The following PPRC1 variants were observed in gnomAD, a reference collection of about 807,000 sequenced individuals.
The protein encoded by PPRC1 is PPARG related coactivator 1, also known as peroxisome proliferator-activated receptor gamma coactivator-related protein 1.
PPRC1 carries 23 observed loss-of-function variants against 132.5 expected under a neutral mutation model. That is an observed-to-expected ratio of 0.17 (90% confidence interval 0.12 to 0.25). PPRC1 has a LOEUF of 0.25. Ranked by LOEUF, PPRC1 falls within the 10% of genes least tolerant of loss-of-function variation. The probability of loss-of-function intolerance (pLI) is 1.00; values close to 1 mark genes in which losing one functional copy is unlikely to be tolerated. For synonymous variants in PPRC1, 872 were observed against 833.5 expected, an observed-to-expected ratio of 1.05 and a Z score of -0.80; for missense variants, 2,006 against 2,089.1, an observed-to-expected ratio of 0.96 and a Z score of 0.78.
At chr10:102,136,683 A>G (rs150217258) in intron 1 of PPRC1, among the ~76,000 whole-genome samples, 3 of 152,336 alleles carry the variant, frequency 2.0e-5, no homozygotes, top group African/African-American at 4.8e-5. Flanking sequence ...TTGTATCAAT[A>G]CATACCAATG....
chr10:102,132,475 A>C (rs2068560647), upstream of PPRC1, among the ~76,000 whole-genome samples: 1 of 152,238 alleles, frequency 6.6e-6, no homozygotes, highest in African/African-American at 2.4e-5. Flanking sequence ...CAGCAAGGAG[A>C]CCTGAAACAG....
At chr10:102,135,684 G>A (rs1021186859) in intron 1 of PPRC1, among the ~76,000 whole-genome samples, 1 of 152,180 alleles carries the variant, frequency 6.6e-6, no homozygotes, top group African/African-American at 2.4e-5. Context: ...CGGCCTGTAA[G>A]CTATATTAAA....
chr10:102,143,526 C>T (rs1366927600), intron 6 of PPRC1, among the ~76,000 whole-genome samples: 1 of 148,354 alleles, frequency 6.7e-6, no homozygotes, highest in Non-Finnish European at 1.5e-5. Flanking sequence ...TTGAACCCAG[C>T]AGGCAGAGAT....
At chr10:102,127,020 CATATATATATAT>C in the PPRC1 span, among the ~76,000 whole-genome samples, 144 of 87,944 alleles carry the variant, frequency 1.6e-3, 3 homozygotes, top group East Asian at 9.8e-3. Flanking sequence ...GGTTTTTTAT[CATATATATATAT>C]ATATATATAT....
chr10:102,120,276 C>G, the PPRC1 span: 1 of 983,840 alleles, frequency 1.0e-6, no homozygotes, highest in South Asian at 4.6e-5. Flanking sequence ...CGGCGAGGGG[C>G]CTGTCAGGCG....
the PPRC1 span, among the ~76,000 whole-genome samples, chr10:102,127,101 A>G: frequency 2.2e-5 from 3 of 133,458 alleles, no homozygotes; most frequent in Admixed American, 7.8e-5. Context: ...GAGGTCAGGC[A>G]TGGTGGCTCA....
chr10:102,133,149 C>A lies in PPRC1; in HGVS notation c.81C>A (p.Ala27=). 1 of 1,258,990 alleles carries A rather than the reference C, an allele frequency of 7.9e-7. No individual in the cohort carries two copies. The allele number at this position is 1,258,990 out of a possible 1,614,324, so 78.0% of individuals were successfully genotyped here. ...GGPGPDPGGG[A]RGSGWGSRSQ... ...CCGGTCCGGACCCTGGCGGGGGAGC[C>A]CGCGGCAGTGGTTGGGGAAGTCGAA... is the stretch of plus-strand genomic sequence containing the variant. The change falls in exon 1 of 14, where the codon GCC becomes GCA. Residue 27 remains alanine, a synonymous_variant. Transcript: ENST00000278070.
chr10:102,145,599 C>T (rs2069193966), intron 8 of PPRC1, among the ~76,000 whole-genome samples: 1 of 148,938 alleles, frequency 6.7e-6, no homozygotes, highest in African/African-American at 2.5e-5. Context: ...GCGCGGTGGC[C>T]CACGCCTGTA....
Position 102,139,332 on chromosome 10 carries a change from C to T in PPRC1, c.824C>T (p.Pro275Leu), listed in dbSNP as rs780690524. Reference protein sequence around the residue: ...DNCVSSIPDFPMHLACPEEED... With the variant: ...DNCVSSIPDFLMHLACPEEED... ...TGTGTGAGCAGTATCCCGGACTTCC[C>T]CATGCATTTGGCCTGCCCTGAGGAG... is the stretch of plus-strand genomic sequence containing the variant. The change falls in exon 5 of 14, where the codon CCC becomes CTC. Residue 275 changes from proline (P) to leucine (L), a missense_variant. By Grantham distance (98) the Pro-to-Leu change is moderately conservative. This residue lies in a region of PPRC1 where 1,914 missense variants were observed against 1,917.2 expected (regional missense o/e 1.00). Coordinates refer to ENST00000278070, the MANE Select transcript of PPRC1 (RefSeq NM_015062.5). 1 of 1,614,178 alleles carries T rather than the reference C, an allele frequency of 6.2e-7. No homozygotes were observed. Among genetic ancestry groups the T allele is most frequent in the Non-Finnish European group, 8.5e-7 (1 of 1,180,018 alleles).
the PPRC1 span, among the ~76,000 whole-genome samples, chr10:102,121,222 C>A: frequency 6.6e-6 from 1 of 152,040 alleles, no homozygotes; most frequent in Non-Finnish European, 1.5e-5. Flanking sequence ...TGCAGACTGA[C>A]GCATCAGTCA....
intron 5 of PPRC1, among the ~76,000 whole-genome samples, chr10:102,142,684 G>A (rs2069047665): frequency 6.6e-6 from 1 of 152,110 alleles, no homozygotes; most frequent in Non-Finnish European, 1.5e-5. Context: ...AAAGTGCTGG[G>A]ATTACAGGTG....
intron 1 of PPRC1, among the ~76,000 whole-genome samples, chr10:102,135,737 G>C (rs114962937): frequency 6.6e-6 from 1 of 152,162 alleles, no homozygotes; most frequent in Non-Finnish European, 1.5e-5. Context: ...GCCATTGAAG[G>C]GATTTAGGGA....
At chr10:102,125,460 A>C in the PPRC1 span, among the ~76,000 whole-genome samples, 1 of 151,784 alleles carries the variant, frequency 6.6e-6, no homozygotes, top group South Asian at 2.1e-4. Context: ...GGGTTTCACC[A>C]TGATGGCCAG....
chr10:102,120,525 T>G, the PPRC1 span: 10 of 300,280 alleles, frequency 3.3e-5, no homozygotes, highest in Non-Finnish European at 4.9e-5. Flanking sequence ...ATTAATATGC[T>G]AATTGTCCTG....
intron 1 of PPRC1, among the ~76,000 whole-genome samples, chr10:102,136,299 G>A (rs2068718488): frequency 6.6e-6 from 1 of 152,040 alleles, no homozygotes; most frequent in Non-Finnish European, 1.5e-5. Flanking sequence ...CTGTTAGGAG[G>A]GTATATATTG....
Position 102,139,124 on chromosome 10 carries a change from T to C in PPRC1, c.616T>C (p.Ser206Pro). 1 of 1,610,682 alleles carries C rather than the reference T, an allele frequency of 6.2e-7. No individual in the cohort carries two copies. Among genetic ancestry groups the C allele is most frequent in the Non-Finnish European group, 8.5e-7 (1 of 1,177,986 alleles). The change falls in exon 5 of 14, where the codon TCT becomes CCT. Residue 206 changes from serine to proline, a missense_variant. Ser to Pro is a moderately conservative substitution (Grantham distance 74). Transcript: ENST00000278070. ...SGVEMSLPDP[S>P]WDFSPPSFLE... ...GGTTGAAATGTCTCTTCCAGATCCC[T>C]CTTGGGACTTCTCCCCACCCTCTTT...
At chr10:102,126,139 G>A in the PPRC1 span, among the ~76,000 whole-genome samples, 1 of 152,106 alleles carries the variant, frequency 6.6e-6, no homozygotes, top group Non-Finnish European at 1.5e-5. Context: ...TGGGATTACA[G>A]GCATGAGCCA....
the PPRC1 span, among the ~76,000 whole-genome samples, chr10:102,127,815 G>T: frequency 6.6e-6 from 1 of 152,060 alleles, no homozygotes; most frequent in Admixed American, 6.6e-5. Context: ...GCCTCCCAAA[G>T]TGCTGGGATT....
Position 102,148,077 on chromosome 10 carries a change from C to T in PPRC1, c.4401-295C>T, listed in dbSNP as rs995275277. 4.1e-4 allele frequency among the ~76,000 whole-genome samples: 63 copies of T among 152,144 alleles called. No individual in the cohort carries two copies. Among genetic ancestry groups the T allele is most frequent in the African/African-American group, 1.4e-3 (60 of 41,422 alleles). On this transcript the variant is annotated intron_variant, in intron 9 of 13. Transcript: ENST00000278070. The surrounding 1 kb of genome is among the most constrained non-coding windows in gnomAD (Gnocchi z 4.2). ...AGGGCTCACCCCTCTCCCTGAGTCTCCATTTATTGTTCTTCCTCTTTCTGA... is the reference window on the plus strand; with the variant it reads ...AGGGCTCACCCCTCTCCCTGAGTCTTCATTTATTGTTCTTCCTCTTTCTGA...
Sources: allele counts gnomAD v4.1 joint callset (sites outside exome capture counted in the v4.1 genomes callset), GRCh38; gene constraint gnomAD v4.1.1; regional missense constraint gnomAD v4.1.1; non-coding constraint Gnocchi (gnomAD v3.1); transcripts MANE v1.5; gene names NCBI Gene and HGNC (gene_info 2026-07-23, HGNC 2026-07-21).